Variants in C4orf54 observed in about 807,000 individuals in gnomAD.
The protein encoded by C4orf54 is chromosome 4 open reading frame 54, also known as uncharacterized protein C4orf54.
In C4orf54, 67 loss-of-function variants were observed where a neutral mutation model predicts 80.1. That is an observed-to-expected ratio of 0.84 (90% CI 0.69 to 1.03). The LOEUF (loss-of-function observed/expected upper bound fraction) is 1.03, where lower values mean the gene tolerates loss of function less well. Ranked by LOEUF, C4orf54 falls within the 50% of genes least tolerant of loss-of-function variation. The probability of loss-of-function intolerance (pLI) is 0.00; values close to 1 mark genes in which losing one functional copy is unlikely to be tolerated. For missense variants in C4orf54, 2,434 were observed against 2,253.5 expected (o/e 1.08, Z -1.62); for synonymous variants, 1,000 against 917.0 (o/e 1.09, Z -1.64).
At chr4:99,655,724 T>C (rs1202981426) in intron 1 of C4orf54, among the ~76,000 whole-genome samples, 1 of 152,168 alleles carries the variant, frequency 6.6e-6, no homozygotes, top group East Asian at 1.9e-4. Context: ...ATTCCTTGGG[T>C]ACTATCGGTG....
intron 2 of C4orf54, among the ~76,000 whole-genome samples, chr4:99,648,928 A>G (rs1201704047): frequency 1.3e-5 from 2 of 152,106 alleles, no homozygotes; most frequent in Admixed American, 1.3e-4. Flanking sequence ...AACGTTCACC[A>G]CGGACAGACT....
chr4:99,651,211 T>C lies in C4orf54; in HGVS notation c.3438A>G (p.Gly1146=), dbSNP rs900525768. Reference sequence around the variant, plus strand: ...ATGTAATCACCATGGGGGACAGGGATCCAGATCCGCCAGCTGCTGCAGACA... The same window carrying C: ...ATGTAATCACCATGGGGGACAGGGACCCAGATCCGCCAGCTGCTGCAGACA... ...RQLSAAAGGS[G]SLSPMVITCQ... The change falls in exon 2 of 3, where the codon GGA becomes GGG. Residue 1146 remains glycine, a synonymous_variant. Coordinates refer to ENST00000511828, the MANE Select transcript of C4orf54 (RefSeq NM_001354435.2). 2 of 1,536,010 alleles carry C rather than the reference T, an allele frequency of 1.3e-6. No individual in the cohort carries two copies. Among genetic ancestry groups the C allele is most frequent in the Non-Finnish European group, 1.7e-6 (2 of 1,146,902 alleles).
chr4:99,653,027 T>A lies in C4orf54; in HGVS notation c.1622A>T (p.Asn541Ile). ...TTCATGCTTGGCAGCATAAATAATG[T>A]TTTGCTTTGCACGCACGTTGCTAGG... is the stretch of plus-strand genomic sequence containing the variant. ...NEPSNVRAKQNIIYAAKHEGD... is the reference protein window; with the variant it reads ...NEPSNVRAKQIIIYAAKHEGD... Residue 541 changes from asparagine (N) to isoleucine (I), a missense_variant, in exon 2 of 3, where the codon AAC becomes ATC. Coordinates refer to ENST00000511828, the MANE Select transcript of C4orf54 (RefSeq NM_001354435.2). The A allele has an allele frequency of 6.5e-7, 1 of 1,536,110 alleles. No individual in the cohort carries two copies. The highest frequency in any genetic ancestry group is 8.7e-7 in the Non-Finnish European group (1 of 1,146,886).
intron 2 of C4orf54, among the ~76,000 whole-genome samples, chr4:99,645,410 TAAA>T (rs70958324): frequency 1.8e-5 from 1 of 55,876 alleles, no homozygotes. Context: ...AGGCTTACAG[TAAA>T]AAAAAAAAAA....
intron 2 of C4orf54, among the ~76,000 whole-genome samples, chr4:99,645,665 CA>C (rs1726689816): frequency 6.6e-6 from 1 of 151,890 alleles, no homozygotes; most frequent in Admixed American, 6.6e-5. Flanking sequence ...CCTCAAATAA[CA>C]GAAATCTAAA....
In C4orf54 at chr4:99,653,636, C is replaced by G. The variant is rs1726907060; in HGVS notation, c.1013G>C (p.Gly338Ala). The change falls in exon 2 of 3, where the codon GGA becomes GCA. Residue 338 changes from glycine to alanine, a missense_variant. Gly to Ala is a moderately conservative substitution (Grantham distance 60). Coordinates refer to ENST00000511828, the MANE Select transcript of C4orf54 (RefSeq NM_001354435.2). ...GCACTCTGTTCCATCTCCTGCCCCT[C>G]CTCCCCCTCCTCCTTTTCCTCCTCC... ...GGGGGKGGGG[G>A]GAGDGTECRD... The G allele has an allele frequency of 1.3e-6, 2 of 1,532,962 alleles. No individual in the cohort carries two copies. Among genetic ancestry groups the G allele is most frequent in the African/African-American group, 1.4e-5 (1 of 72,858 alleles). 95.0% of individuals were successfully genotyped at this position (1,532,962 alleles called of 1,614,324 possible). A position where few individuals can be genotyped will look rare whatever the true frequency, so the allele number is the denominator to read the frequency against.
rs889931657 is a variant in C4orf54 at position 99,650,652 on chromosome 4, G to T, written c.3997C>A (p.Arg1333=). Residue 1333 remains arginine, a synonymous_variant, in exon 2 of 3, where the codon CGA becomes AGA. Transcript: ENST00000511828. ...GTGNKAGVVL[R]GAPIERLQRR... ...TGCAGACGTTCTATGGGGGCCCCTCGCAGGACCACACCAGCTTTGTTTCCT... is the reference window on the plus strand; with the variant it reads ...TGCAGACGTTCTATGGGGGCCCCTCTCAGGACCACACCAGCTTTGTTTCCT... 7 of 1,535,890 alleles carry T rather than the reference G, an allele frequency of 4.6e-6. No homozygotes were observed. The highest frequency in any genetic ancestry group is 6.1e-6 in the Non-Finnish European group (7 of 1,146,884).
At position 99,652,030 on chromosome 4, in the gene C4orf54, G is replaced by A; in HGVS notation, c.2619C>T (p.Gly873=). The change falls in exon 2 of 3, where the codon GGC becomes GGT. Residue 873 remains glycine (G), a synonymous_variant. Transcript: ENST00000511828. ...ACATGCTGACCACTGTGTACTCGGA[G>A]CCGGCCTCGGAGTGACGAGAGCTCT... ...QRQSSRHSEA[G]SEYTVVSMSD... The A allele has an allele frequency of 6.5e-7, 1 of 1,536,146 alleles. No individual in the cohort carries two copies. The highest frequency in any genetic ancestry group is 1.4e-5 in the African/African-American group (1 of 73,190).
At position 99,653,826 on chromosome 4, in the gene C4orf54, T is replaced by C. The variant is rs1358616412; in HGVS notation, c.823A>G (p.Met275Val). ...AGGCCATCCTCTTCTGCTTTGTTCA[T>C]CGGGGAGGAGGATGAGGAAGATGAG... ...NFSSSSSSSP[M>V]NKAEEDGLSK... Residue 275 changes from methionine to valine, a missense_variant, in exon 2 of 3, where the codon ATG becomes GTG. By Grantham distance (21) the Met-to-Val change is conservative. Coordinates refer to ENST00000511828, the MANE Select transcript of C4orf54 (RefSeq NM_001354435.2). The C allele has an allele frequency of 3.3e-6, 5 of 1,536,040 alleles. No individual in the cohort carries two copies. The highest frequency in any genetic ancestry group is 4.4e-6 in the Non-Finnish European group (5 of 1,146,900).
rs1218671536 is a variant in C4orf54 at position 99,651,419 on chromosome 4, C to T, written c.3230G>A (p.Arg1077His). The T allele has an allele frequency of 5.9e-6, 9 of 1,536,126 alleles. No homozygotes were observed. The highest frequency in any genetic ancestry group is 6.1e-6 in the Non-Finnish European group (7 of 1,146,914). ...DNSRAQQKLF[R>H]GDNLEKVPHF... ...GGGCACTTTTTCTAGGTTGTCCCCGCGGAAGAGTTTCTGCTGTGCCCTGCT... is the reference window on the plus strand; with the variant it reads ...GGGCACTTTTTCTAGGTTGTCCCCGTGGAAGAGTTTCTGCTGTGCCCTGCT... Residue 1077 changes from arginine (R) to histidine (H), a missense_variant, in exon 2 of 3, where the codon CGC becomes CAC. By Grantham distance (29) the Arg-to-His change is conservative (BLOSUM62 0). Coordinates refer to ENST00000511828, the MANE Select transcript of C4orf54 (RefSeq NM_001354435.2).
chr4:99,649,772 G>A lies in C4orf54; in HGVS notation c.4877C>T (p.Thr1626Ile), dbSNP rs2110252152. ...VTTGQYYLVD[T>I]PVQPMTRRLF... ...TCTCCGGGTCATGGGCTGTACTGGT[G>A]TGTCCACCAGATAGTACTGGCCTGT... Residue 1626 changes from threonine to isoleucine, a missense_variant, in exon 2 of 3, where the codon ACA becomes ATA. Physicochemically the swap from Thr to Ile is moderately conservative, Grantham distance 89. Coordinates refer to ENST00000511828, the MANE Select transcript of C4orf54 (RefSeq NM_001354435.2). 6.5e-7 allele frequency: 1 copy of A among 1,536,234 alleles called. No homozygotes were observed. Among genetic ancestry groups the A allele is most frequent in the Non-Finnish European group, 8.7e-7 (1 of 1,146,924 alleles).
intron 2 of C4orf54, among the ~76,000 whole-genome samples, chr4:99,647,204 G>A (rs1290431732): frequency 6.6e-6 from 1 of 152,116 alleles, no homozygotes; most frequent in Non-Finnish European, 1.5e-5. Context: ...CAACAGACAG[G>A]GGAAAGGCCA....
In C4orf54 at chr4:99,653,037, C is replaced by T. The variant is rs1185765767; in HGVS notation, c.1612G>A (p.Ala538Thr). 1 of 1,536,156 alleles carries T rather than the reference C, an allele frequency of 6.5e-7. No homozygotes were observed. The highest frequency in any genetic ancestry group is 2.4e-5 in the East Asian group (1 of 40,902). The change falls in exon 2 of 3, where the codon GCA (alanine) becomes ACA (threonine). Residue 538 changes from alanine (A) to threonine (T), a missense_variant. Coordinates refer to ENST00000511828, the MANE Select transcript of C4orf54 (RefSeq NM_001354435.2). Reference sequence around the variant, plus strand: ...GCAGCATAAATAATGTTTTGCTTTGCACGCACGTTGCTAGGCTCATTTATA... The same window carrying T: ...GCAGCATAAATAATGTTTTGCTTTGTACGCACGTTGCTAGGCTCATTTATA... The part of the protein sequence containing the change: ...RAINEPSNVR[A>T]KQNIIYAAKH...
chr4:99,651,417 C>T lies in C4orf54; in HGVS notation c.3232G>A (p.Gly1078Arg), dbSNP rs760805785. 14 of 1,536,134 alleles carry T rather than the reference C, an allele frequency of 9.1e-6. No individual in the cohort carries two copies. The highest frequency in any genetic ancestry group is 4.9e-5 in the East Asian group (2 of 40,916). Residue 1078 changes from glycine (G) to arginine (R), a missense_variant, in exon 2 of 3, where the codon GGG becomes AGG. Coordinates refer to ENST00000511828, the MANE Select transcript of C4orf54 (RefSeq NM_001354435.2). ...TGGGGCACTTTTTCTAGGTTGTCCC[C>T]GCGGAAGAGTTTCTGCTGTGCCCTG... ...NSRAQQKLFRGDNLEKVPHFQ... is the reference protein window; with the variant it reads ...NSRAQQKLFRRDNLEKVPHFQ...
chr4:99,643,654 A>T (rs1437770098), intron 2 of C4orf54, among the ~76,000 whole-genome samples: 1 of 151,850 alleles, frequency 6.6e-6, no homozygotes, highest in Non-Finnish European at 1.5e-5. Flanking sequence ...AAACACACAT[A>T]GAGTTTTAGT....
In C4orf54 at chr4:99,650,664, C is replaced by T. The variant is rs1230292395; in HGVS notation, c.3985G>A (p.Gly1329Ser). 2.0e-6 allele frequency: 3 copies of T among 1,535,976 alleles called. No individual in the cohort carries two copies. Among genetic ancestry groups the T allele is most frequent in the Non-Finnish European group, 2.6e-6 (3 of 1,146,906 alleles). ...VEERGTGNKA[G>S]VVLRGAPIER... ...ATGGGGGCCCCTCGCAGGACCACAC[C>T]AGCTTTGTTTCCTGTGCCCCGCTCT... Residue 1329 changes from glycine (G) to serine (S), a missense_variant, in exon 2 of 3, where the codon GGT becomes AGT. Coordinates refer to ENST00000511828, the MANE Select transcript of C4orf54 (RefSeq NM_001354435.2).
At chr4:99,649,210 A>T in intron 2 of C4orf54, 21 bp downstream of exon 2, 1 of 1,449,952 alleles carries the variant, frequency 6.9e-7, no homozygotes, top group Non-Finnish European at 9.0e-7. Context: ...AAACCTGATT[A>T]TCAAAGTGAA....
In C4orf54 at chr4:99,651,892, T is replaced by C. The variant is rs988306243; in HGVS notation, c.2757A>G (p.Thr919=). The C allele has an allele frequency of 1.3e-6, 2 of 1,536,012 alleles. No individual in the cohort carries two copies. The highest frequency in any genetic ancestry group is 1.4e-5 in the African/African-American group (1 of 73,036). Residue 919 remains threonine, a synonymous_variant, in exon 2 of 3, where the codon ACA becomes ACG. Transcript: ENST00000511828. The part of the protein sequence containing the change: ...GPGRNFTDGH[T]EVCEIKKSAS... The stretch of plus-strand genomic sequence containing the variant: ...CACTCTTTTTAATTTCACACACTTC[T>C]GTGTGTCCATCGGTGAAATTCCGGC...
Position 99,654,382 on chromosome 4 carries a change from C to G in C4orf54, c.267G>C (p.Val89=), listed in dbSNP as rs1430757675. Residue 89 remains valine, a synonymous_variant, in exon 2 of 3, where the codon GTG becomes GTC. Coordinates refer to ENST00000511828, the MANE Select transcript of C4orf54 (RefSeq NM_001354435.2). ...TAGGCACTGCTGCCACTGCTGCCAC[C>G]ACCTCCCAGTTCTTCAGCCCCTGTG... The part of the protein sequence containing the change: ...APPQGLKNWE[V]VAAVAAVPTA... 2.1e-6 allele frequency: 2 copies of G among 969,158 alleles called. No homozygotes were observed. Among genetic ancestry groups the G allele is most frequent in the Admixed American group, 4.0e-5 (2 of 50,292 alleles). The allele number at this position is 969,158 out of a possible 1,614,324, so 60.0% of individuals were successfully genotyped here.
Sources: gnomAD v4.1 joint callset for allele counts (sites outside exome capture counted in the v4.1 genomes callset) on GRCh38, gnomAD v4.1.1 for gene constraint, MANE v1.5 for transcripts, NCBI Gene and HGNC (gene_info 2026-07-23, HGNC 2026-07-21) for gene names.